The following DDX60 variants were observed in gnomAD, a reference collection of about 807,000 sequenced individuals.
DDX60 encodes DExD/H-box helicase 60.
DDX60 carries 165 observed loss-of-function variants against 212.8 expected under a neutral mutation model. The observed-to-expected ratio is 0.78, with a 90% CI of 0.68 to 0.88. The LOEUF is 0.88. Ranked by LOEUF, DDX60 falls within the 40% of genes least tolerant of loss-of-function variation. DDX60 has a pLI of 0.00. For missense variants in DDX60, 1,905 were observed against 2,003.9 expected, an observed-to-expected ratio of 0.95 and a Z score of 0.94; for synonymous variants, 703 against 685.3, an observed-to-expected ratio of 1.03 and a Z score of -0.40.
At chr4:168,220,281 C>T (rs959163477) in intron 37 of DDX60, among the ~76,000 whole-genome samples, 1 of 152,092 alleles carries the variant, frequency 6.6e-6, no homozygotes, top group Non-Finnish European at 1.5e-5. Flanking sequence ...CCGGATGGAA[C>T]CCTAAGGAGC....
intron 8 of DDX60, among the ~76,000 whole-genome samples, chr4:168,291,030 G>T (rs992218074): frequency 2.0e-5 from 3 of 151,984 alleles, no homozygotes; most frequent in Non-Finnish European, 4.4e-5. Context: ...CAAATTAAAG[G>T]AAAAGGCTTA....
chr4:168,314,137 G>A (rs1482143428), intron 1 of DDX60, among the ~76,000 whole-genome samples: 2 of 152,014 alleles, frequency 1.3e-5, no homozygotes, highest in Non-Finnish European at 1.5e-5. Context: ...ACTAAAGTAG[G>A]CTTACACACC....
chr4:168,283,931 A>C (rs1735706649), intron 12 of DDX60, among the ~76,000 whole-genome samples: 1 of 152,160 alleles, frequency 6.6e-6, no homozygotes, highest in Non-Finnish European at 1.5e-5. Context: ...TGAAGAAGAC[A>C]ACCATCTAAG....
intron 25 of DDX60, among the ~76,000 whole-genome samples, chr4:168,258,540 TTGA>T (rs1277190730): frequency 6.6e-6 from 1 of 152,190 alleles, no homozygotes; most frequent in African/African-American, 2.4e-5. Flanking sequence ...CTCAGATCTC[TTGA>T]TGATCTGGGA....
chr4:168,324,544 G>A, the DDX60 span, among the ~76,000 whole-genome samples: 1 of 152,184 alleles, frequency 6.6e-6, no homozygotes, highest in Non-Finnish European at 1.5e-5. Flanking sequence ...AAGCATCAGC[G>A]AGATTAAGTA....
At chr4:168,300,580 A>ATGTGTGTGTGTGTGTG (rs59696275) in intron 6 of DDX60, among the ~76,000 whole-genome samples, 12 of 146,412 alleles carry the variant, frequency 8.2e-5, no homozygotes, top group Admixed American at 7.5e-4. Flanking sequence ...TAACACCAGA[A>ATGTGTGTGTGTGTGTG]TGTGTGTGTG....
chr4:168,286,423 G>GAGATAGATAGATAGATAGATAGAT (rs71977398), intron 10 of DDX60, among the ~76,000 whole-genome samples: 89 of 136,938 alleles, frequency 6.5e-4, no homozygotes, highest in African/African-American at 2.4e-3. Flanking sequence ...CACACCACAC[G>GAGATAGATAGATAGATAGATAGAT]AGATAGATAG....
intron 8 of DDX60, among the ~76,000 whole-genome samples, chr4:168,289,722 A>G (rs1391602517): frequency 6.6e-6 from 1 of 152,194 alleles, no homozygotes; most frequent in Non-Finnish European, 1.5e-5. Context: ...CAATGACGGC[A>G]TCCCCACAAA....
intron 34 of DDX60, among the ~76,000 whole-genome samples, 176 bp from the exon 35 acceptor site, chr4:168,224,561 A>T (rs553546091): frequency 6.6e-6 from 1 of 152,112 alleles, no homozygotes. Context: ...CACAGAATAC[A>T]TTCAATGAAA....
rs750553669 is a variant in DDX60 at position 168,224,401 on chromosome 4, A to T, written c.4682-16T>A. 6.2e-7 allele frequency: 1 copy of T among 1,609,960 alleles called. No homozygotes were observed. The highest frequency in any genetic ancestry group is 8.5e-7 in the Non-Finnish European group (1 of 1,177,200). ...CCTGTGAATTCTGACAATAATAGTT[A>T]GGGATAGATTAGTGTTTTGAACTCA... On this transcript the variant is annotated splice_polypyrimidine_tract_variant and intron_variant, in intron 34 of 37. Transcript: ENST00000393743.
intron 33 of DDX60, among the ~76,000 whole-genome samples, chr4:168,234,535 T>A (rs1169935557): frequency 2.0e-5 from 3 of 152,118 alleles, no homozygotes. Flanking sequence ...TTATACATTC[T>A]AATTATCTAG....
chr4:168,284,110 C>G (rs886433322), intron 12 of DDX60, among the ~76,000 whole-genome samples: 1 of 152,124 alleles, frequency 6.6e-6, no homozygotes, highest in Non-Finnish European at 1.5e-5. Context: ...CTGTAATACT[C>G]ACAGTAATGA....
At chr4:168,297,060 A>G (rs984356068) in intron 6 of DDX60, among the ~76,000 whole-genome samples, 27 of 151,436 alleles carry the variant, frequency 1.8e-4, no homozygotes, top group African/African-American at 6.6e-4. Context: ...ACAGGCATGC[A>G]CCACCATGCC....
chr4:168,229,175 G>C (rs1474832040), intron 33 of DDX60, among the ~76,000 whole-genome samples: 1 of 152,050 alleles, frequency 6.6e-6, no homozygotes, highest in Non-Finnish European at 1.5e-5. Context: ...CTTCAGGCAA[G>C]CTGAAAAACT....
At chr4:168,252,697 T>G (rs759679102) in intron 26 of DDX60, 41 bp from the exon 27 acceptor site, 1 of 1,502,830 alleles carries the variant, frequency 6.7e-7, no homozygotes, top group South Asian at 1.2e-5. Context: ...AAATTGTAAA[T>G]AATGAATGAA....
chr4:168,297,297 CG>C (rs1286969485), intron 6 of DDX60, among the ~76,000 whole-genome samples: 750 of 67,398 alleles, frequency 0.011, 48 homozygotes, highest in African/African-American at 0.044. Flanking sequence ...GAGAGAGAGA[CG>C]AAAGAAAGAA....
At chr4:168,239,014 G>C (rs1226339844) in intron 30 of DDX60, among the ~76,000 whole-genome samples, 2 of 152,062 alleles carry the variant, frequency 1.3e-5, no homozygotes, top group Non-Finnish European at 2.9e-5. Context: ...CTATTGCTTG[G>C]CAAACCATCA....
Position 168,307,991 on chromosome 4 carries a change from C to T in DDX60, c.264+15G>A, listed in dbSNP as rs762547684. 2 of 1,521,898 alleles carry T rather than the reference C, an allele frequency of 1.3e-6. No individual in the cohort carries two copies. The highest frequency in any genetic ancestry group is 1.4e-5 in the South Asian group (1 of 74,040). The allele number at this position is 1,521,898 out of a possible 1,614,324, so 94.3% of individuals were successfully genotyped here. On this transcript the variant is annotated intron_variant, in intron 4 of 37. Transcript: ENST00000393743. ...AGTTCTCATATTATAAAAAAGAACT[C>T]AACTATCATGTTACCTTGAAGAAAA... is the stretch of plus-strand genomic sequence containing the variant.
rs200721426 is a variant in DDX60 at position 168,306,613 on chromosome 4, C to T, written c.372G>A (p.Ser124=). 5.1e-5 allele frequency: 83 copies of T among 1,614,048 alleles called. 1 individual carries two copies. The South Asian group carries it at 8.1e-4, about 16-fold the overall frequency. ...TTCCCCACTCTTTTGATAAGCATCT[C>T]GAAAATGTTGTTCGAACATCAATGG... The part of the protein sequence containing the change: ...NTTIDVRTTF[S]RCLSKEWGSF... The change falls in exon 5 of 38, where the codon TCG becomes TCA. Residue 124 remains serine, a synonymous_variant. Coordinates refer to ENST00000393743, the MANE Select transcript of DDX60 (RefSeq NM_017631.6).
Sources: allele counts gnomAD v4.1 joint callset (sites outside exome capture counted in the v4.1 genomes callset), GRCh38; gene constraint gnomAD v4.1.1; transcripts MANE v1.5; gene names NCBI Gene and HGNC (gene_info 2026-07-23, HGNC 2026-07-21).